MYOM1: variants seen among roughly 807,000 people sequenced by gnomAD.
MYOM1 encodes the protein myomesin-1.
MYOM1 carries 164 observed loss-of-function variants against 205.3 expected under a neutral mutation model. That is an observed-to-expected ratio of 0.80 (90% CI 0.70 to 0.91). The LOEUF (loss-of-function observed/expected upper bound fraction) is 0.91. Among genes scored for constraint, MYOM1 ranks in the 40% least tolerant of loss-of-function variants. The probability of loss-of-function intolerance (pLI) is 0.00; values close to 1 mark genes in which losing one functional copy is unlikely to be tolerated. For synonymous variants in MYOM1, 772 were observed against 789.4 expected (o/e 0.98, Z 0.37); for missense variants, 2,011 against 2,127.3 (o/e 0.95, Z 1.08).
rs1342281769 is a variant in MYOM1 at position 3,155,107 on chromosome 18, A to G, written c.1502-19T>C. 1 of 1,602,904 alleles carries G rather than the reference A, an allele frequency of 6.2e-7. No homozygotes were observed. Among genetic ancestry groups the G allele is most frequent in the South Asian group, 1.1e-5 (1 of 89,170 alleles). On this transcript the variant is annotated intron_variant, in intron 10 of 37. Transcript: ENST00000356443. Reference sequence around the variant, plus strand: ...TCAGCATCTGTGGAGACAGAGAAGGATCCCATTAACCCTCTCAGACATGCT... The same window carrying G: ...TCAGCATCTGTGGAGACAGAGAAGGGTCCCATTAACCCTCTCAGACATGCT...
chr18:3,089,493 C>CA, intron 28 of MYOM1, 44 bp downstream of exon 28: 1 of 1,481,712 alleles, frequency 6.7e-7, no homozygotes, highest in Non-Finnish European at 9.2e-7. Flanking sequence ...ATCTTTTGTA[C>CA]AAAAAAATTA....
intron 2 of MYOM1, among the ~76,000 whole-genome samples, chr18:3,196,240 A>G (rs1003011307): frequency 1.3e-5 from 2 of 152,186 alleles, no homozygotes; most frequent in Non-Finnish European, 2.9e-5. Context: ...AAAACCATCC[A>G]TAGTCTATTT....
chr18:3,221,380 A>G (rs1368376945), upstream of MYOM1, among the ~76,000 whole-genome samples: 1 of 152,224 alleles, frequency 6.6e-6, no homozygotes, highest in Non-Finnish European at 1.5e-5. Context: ...TTTCTTGATG[A>G]TAACTACAGT....
intron 26 of MYOM1, among the ~76,000 whole-genome samples, chr18:3,091,067 G>A (rs2079219417): frequency 6.6e-6 from 1 of 152,130 alleles, no homozygotes; most frequent in East Asian, 1.9e-4. Context: ...TGTAATCCCA[G>A]CACTTTGGGA....
At chr18:3,182,579 G>A (rs2080751109) in intron 5 of MYOM1, among the ~76,000 whole-genome samples, 1 of 152,210 alleles carries the variant, frequency 6.6e-6, no homozygotes, top group South Asian at 2.1e-4. Context: ...AGGGTGCACA[G>A]TGAACCCTTC....
Position 3,183,219 on chromosome 18 carries a change from A to G in MYOM1, c.929+4261T>C, listed in dbSNP as rs372149904. ...GCTGGGATTACAGGCGTGGGCCACC[A>G]CGCCCGGCCTGTAACTAACTTTTCT... On this transcript the variant is annotated intron_variant, in intron 5 of 37. Coordinates refer to ENST00000356443, the MANE Select transcript of MYOM1 (RefSeq NM_003803.4). Among the ~76,000 whole-genome samples, 145 of 151,986 alleles carry G rather than the reference A, an allele frequency of 9.5e-4. No homozygotes were observed. The South Asian group carries it at 0.025, about 26-fold the overall frequency.
Position 3,126,695 on chromosome 18 carries a change from G to C in MYOM1, c.2991+6C>G, listed in dbSNP as rs1567920235. 4.3e-6 allele frequency: 7 copies of C among 1,609,862 alleles called. No individual in the cohort carries two copies. Among genetic ancestry groups the C allele is most frequent in the Non-Finnish European group, 5.1e-6 (6 of 1,177,514 alleles). ...CACGCCACACTACAGAAAGTCACGTGCTTACCTTGTATGCCTCCTCACTGA... is the reference window on the plus strand; with the variant it reads ...CACGCCACACTACAGAAAGTCACGTCCTTACCTTGTATGCCTCCTCACTGA... On this transcript the variant is annotated splice_donor_region_variant and intron_variant, in intron 19 of 37. Transcript: ENST00000356443.
chr18:3,166,215 G>T (rs1023787812), intron 9 of MYOM1, among the ~76,000 whole-genome samples: 1 of 151,102 alleles, frequency 6.6e-6, no homozygotes, highest in East Asian at 1.9e-4. Context: ...CAAAAAGTCA[G>T]CTCTGGAGAG....
intron 33 of MYOM1, 52 bp from the exon 34 acceptor site, chr18:3,079,394 T>A (rs898425916): frequency 1.7e-5 from 26 of 1,526,594 alleles, no homozygotes; most frequent in Non-Finnish European, 2.3e-5. Context: ...CCAGGGCTGA[T>A]CTTTACTTTG....
chr18:3,242,105 T>G, the MYOM1 span, among the ~76,000 whole-genome samples: 1 of 152,262 alleles, frequency 6.6e-6, no homozygotes, highest in African/African-American at 2.4e-5. Flanking sequence ...GACTGTGGAC[T>G]TCTGAGTTAA....
chr18:3,179,455 T>C lies in MYOM1; in HGVS notation c.930-3321A>G, dbSNP rs2080697524. 6.6e-6 allele frequency among the ~76,000 whole-genome samples: 1 copy of C among 152,138 alleles called. No individual in the cohort carries two copies. The highest frequency in any genetic ancestry group is 2.4e-5 in the African/African-American group (1 of 41,438). The stretch of plus-strand genomic sequence containing the variant: ...TCCCCCTGCCTCAGCCTCCCAAAGT[T>C]GGATGATTTTAAATAAATGCACACG... On this transcript the variant is annotated intron_variant, in intron 5 of 37. Coordinates refer to ENST00000356443, the MANE Select transcript of MYOM1 (RefSeq NM_003803.4). The surrounding 1 kb of genome is among the most constrained non-coding windows in gnomAD (Gnocchi z 4.4).
At chr18:3,076,258 G>A (rs2079020014) in intron 34 of MYOM1, among the ~76,000 whole-genome samples, 1 of 152,106 alleles carries the variant, frequency 6.6e-6, no homozygotes, top group South Asian at 2.1e-4. Context: ...AGTAGATACG[G>A]GGTTTCACCA....
At chr18:3,199,327 G>A (rs1481793611) in intron 2 of MYOM1, among the ~76,000 whole-genome samples, 1 of 152,126 alleles carries the variant, frequency 6.6e-6, no homozygotes, top group African/African-American at 2.4e-5. Context: ...TCAGGCTTGG[G>A]GCAAGCAGCA....
At chr18:3,239,400 G>A in the MYOM1 span, among the ~76,000 whole-genome samples, 1 of 152,136 alleles carries the variant, frequency 6.6e-6, no homozygotes, top group African/African-American at 2.4e-5. Context: ...CTGAGAGTGA[G>A]GATAGAATAG....
At chr18:3,123,340 A>G (rs2079725572) in intron 19 of MYOM1, among the ~76,000 whole-genome samples, 1 of 152,188 alleles carries the variant, frequency 6.6e-6, no homozygotes, top group Admixed American at 6.5e-5. Context: ...TGTGAAATCA[A>G]TATATAAAAG....
chr18:3,130,745 C>T (rs931496222), intron 17 of MYOM1, among the ~76,000 whole-genome samples: 11 of 152,134 alleles, frequency 7.2e-5, no homozygotes, highest in South Asian at 2.1e-4. Context: ...TGTAAGCCCC[C>T]GTGCTCAGCC....
At chr18:3,235,120 C>T in the MYOM1 span, among the ~76,000 whole-genome samples, 1 of 152,042 alleles carries the variant, frequency 6.6e-6, no homozygotes, top group Non-Finnish European at 1.5e-5. Flanking sequence ...CTTTCCTATA[C>T]ACAAATTTAT....
chr18:3,206,994 T>C (rs1409553238), intron 2 of MYOM1, among the ~76,000 whole-genome samples: 3 of 147,950 alleles, frequency 2.0e-5, no homozygotes, highest in Admixed American at 2.0e-4. Flanking sequence ...TATCTCACTT[T>C]CAGTTTTTTT....
At chr18:3,181,360 T>C (rs993114032) in intron 5 of MYOM1, among the ~76,000 whole-genome samples, 1 of 152,156 alleles carries the variant, frequency 6.6e-6, no homozygotes, top group Non-Finnish European at 1.5e-5. Context: ...AGAGATCCCA[T>C]TGGGATAGAT....
Sources: allele counts gnomAD v4.1 joint callset (sites outside exome capture counted in the v4.1 genomes callset), GRCh38; gene constraint gnomAD v4.1.1; non-coding constraint Gnocchi (gnomAD v3.1); transcripts MANE v1.5; gene names NCBI Gene and HGNC (gene_info 2026-07-23, HGNC 2026-07-21).